HCN4: variants seen among roughly 807,000 people sequenced by gnomAD.
HCN4 encodes the protein hyperpolarization activated cyclic nucleotide gated potassium channel 4.
HCN4 carries 29 observed loss-of-function variants against 76.9 expected under a neutral mutation model. The observed-to-expected ratio is 0.38, with a 90% CI of 0.28 to 0.51. HCN4 has a LOEUF of 0.51. Among genes scored for constraint, HCN4 ranks in the 20% least tolerant of loss-of-function variants. The pLI is 0.90. For synonymous variants in HCN4, 772 were observed against 762.5 expected (o/e 1.01, Z -0.21); for missense variants, 1,416 against 1,715.2 (o/e 0.83, Z 3.08).
intron 1 of HCN4, among the ~76,000 whole-genome samples, chr15:73,359,035 A>G (rs2043093414): frequency 6.6e-6 from 1 of 152,154 alleles, no homozygotes; most frequent in Admixed American, 6.5e-5. Flanking sequence ...GCCAGCCCCC[A>G]TTATGTATTA....
rs2042870259 is a variant in HCN4 at position 73,322,874 on chromosome 15, C to T, written c.3219G>A (p.Pro1073=). 4 of 1,457,542 alleles carry T rather than the reference C, an allele frequency of 2.7e-6. No individual in the cohort carries two copies. Among genetic ancestry groups the T allele is most frequent in the Admixed American group, 2.6e-5 (1 of 38,332 alleles). The allele number at this position is 1,457,542 out of a possible 1,614,324, so 90.3% of individuals were successfully genotyped here. A position where few individuals can be genotyped will look rare whatever the true frequency, so the allele number is the denominator to read the frequency against. ...PQVPQRRGTP[P]LTPGRLTQDL... ...CCTGGGTGAGGCGGCCGGGGGTGAG[C>T]GGGGGTGTGCCCCGGCGCTGGGGGA... The change falls in exon 8 of 8, where the codon CCG becomes CCA. Residue 1073 remains proline (P), a synonymous_variant. Coordinates refer to ENST00000261917, the MANE Select transcript of HCN4 (RefSeq NM_005477.3).
At position 73,330,228 on chromosome 15, in the gene HCN4, G is replaced by T. The variant is rs1033764115; in HGVS notation, c.1372-437C>A. Among the ~76,000 whole-genome samples, 3 of 152,366 alleles carry T rather than the reference G, an allele frequency of 2.0e-5. No individual in the cohort carries two copies. In the East Asian group the frequency reaches 5.8e-4, roughly 29 times the overall value. ...TATAAAACCAGATATGCTTCCCTTG[G>T]GGGGACAAGCTCTGGCGGACTGAGC... On this transcript the variant is annotated intron_variant, in intron 3 of 7. Transcript: ENST00000261917.
Position 73,367,392 on chromosome 15 carries a change from CA to C in HCN4, c.785+93del. 1 of 1,581,988 alleles carries C rather than the reference CA, an allele frequency of 6.3e-7. No homozygotes were observed. Among genetic ancestry groups the C allele is most frequent in the Admixed American group, 1.7e-5 (1 of 57,608 alleles). Reference sequence around the variant, plus strand: ...CTCTCTTGGAGCTCCCAGCGCAAGGCAGGAAAGTTAACTCCGGCTGGGAGGC... The same window carrying C: ...CTCTCTTGGAGCTCCCAGCGCAAGGCGGAAAGTTAACTCCGGCTGGGAGGC... On this transcript the variant is annotated intron_variant, in intron 1 of 7. Transcript: ENST00000261917. The surrounding 1 kb of genome is among the most constrained non-coding windows in gnomAD (Gnocchi z 7.5).
Position 73,323,856 on chromosome 15 carries a change from A to G in HCN4, c.2237T>C (p.Val746Ala), listed in dbSNP as rs1377029109. Reference sequence around the variant, plus strand: ...GTGGGCCATCTCCCGGTCATGCTGCACAATCTGCTGGATGATCTCATTCTC... The same window carrying G: ...GTGGGCCATCTCCCGGTCATGCTGCGCAATCTGCTGGATGATCTCATTCTC... ...YQENEIIQQI[V>A]QHDREMAHCA... The change falls in exon 8 of 8, where the codon GTG becomes GCG. Residue 746 changes from valine (V) to alanine (A), a missense_variant. Physicochemically the swap from Val to Ala is moderately conservative, Grantham distance 64 (BLOSUM62 0). Coordinates refer to ENST00000261917, the MANE Select transcript of HCN4 (RefSeq NM_005477.3). 7 of 1,604,734 alleles carry G rather than the reference A, an allele frequency of 4.4e-6. No homozygotes were observed. The highest frequency in any genetic ancestry group is 1.3e-5 in the African/African-American group (1 of 74,920).
intron 1 of HCN4, among the ~76,000 whole-genome samples, chr15:73,346,657 G>C (rs912038435): frequency 1.3e-5 from 2 of 152,152 alleles, no homozygotes; most frequent in African/African-American, 4.8e-5. Context: ...GGCTTGGATA[G>C]AAGGCAATTG....
At chr15:73,330,149 C>T (rs1250186812) in intron 3 of HCN4, among the ~76,000 whole-genome samples, 1 of 152,230 alleles carries the variant, frequency 6.6e-6, no homozygotes, top group African/African-American at 2.4e-5. Flanking sequence ...CAGCTCCACC[C>T]CCCAACCCCC....
rs1262596735 is a variant in HCN4, at chr15:73,329,660, C to T, written c.1503G>A (p.Val501=). ...DVWLTMLSMI[V]GATCYAMFIG... ...TGAACATGGCGTAGCAGGTGGCACC[C>T]ACGATCATGCTGAGCATGGTGAGCC... The change falls in exon 4 of 8, where the codon GTG becomes GTA. Residue 501 remains valine (V), a synonymous_variant. Transcript: ENST00000261917. 2 of 1,614,162 alleles carry T rather than the reference C, an allele frequency of 1.2e-6. No individual in the cohort carries two copies. The highest frequency in any genetic ancestry group is 3.3e-5 in the Admixed American group (2 of 60,030).
In HCN4 at chr15:73,325,471, C is replaced by T. The variant is rs367551135; in HGVS notation, c.1591-27G>A. 1 of 1,612,998 alleles carries T rather than the reference C, an allele frequency of 6.2e-7. No homozygotes were observed. Among genetic ancestry groups the T allele is most frequent in the Non-Finnish European group, 8.5e-7 (1 of 1,179,476 alleles). ...TGAGGCCGGGAGAAGGGGGCGTCAG[C>T]TCCACCCCACCAGGGGGCGTCAGCA... is the stretch of plus-strand genomic sequence containing the variant. On this transcript the variant is annotated intron_variant, in intron 4 of 7. Transcript: ENST00000261917. This position sits in a 1 kb window ranked among gnomAD's most constrained non-coding sequence, Gnocchi z 7.4.
chr15:73,362,870 T>C (rs953777325), intron 1 of HCN4, among the ~76,000 whole-genome samples: 5 of 152,198 alleles, frequency 3.3e-5, no homozygotes, highest in South Asian at 4.1e-4. Flanking sequence ...AGGGAGAACC[T>C]GGAGCCGAGG....
intron 1 of HCN4, among the ~76,000 whole-genome samples, chr15:73,352,162 G>A (rs919146594): frequency 9.2e-5 from 14 of 152,244 alleles, no homozygotes; most frequent in Non-Finnish European, 2.1e-4. Context: ...CTTTTATACG[G>A]TAGGTCCTCA....
intron 1 of HCN4, among the ~76,000 whole-genome samples, chr15:73,363,511 G>A (rs560411443): frequency 6.6e-6 from 1 of 152,232 alleles, no homozygotes; most frequent in African/African-American, 2.4e-5. Flanking sequence ...TCTCTTCTGG[G>A]ATGGCCTAGA....
In HCN4 at chr15:73,332,188, C is replaced by T; in HGVS notation, c.1314G>A (p.Leu438=). The change falls in exon 3 of 8, where the codon CTG becomes CTA. Residue 438 remains leucine (L), a synonymous_variant. Coordinates refer to ENST00000261917, the MANE Select transcript of HCN4 (RefSeq NM_005477.3). The part of the protein sequence containing the change: ...LCHWDGCLQF[L]VPMLQDFPDD... Reference sequence around the variant, plus strand: ...CAGGGAAGTCCTGTAGCATGGGTACCAGGAACTGCAGGCAGCCGTCCCAGT... The same window carrying T: ...CAGGGAAGTCCTGTAGCATGGGTACTAGGAACTGCAGGCAGCCGTCCCAGT... 6.2e-7 allele frequency: 1 copy of T among 1,614,216 alleles called. No homozygotes were observed. The highest frequency in any genetic ancestry group is 8.5e-7 in the Non-Finnish European group (1 of 1,180,036).
At chr15:73,354,990 A>G (rs2043071472) in intron 1 of HCN4, among the ~76,000 whole-genome samples, 1 of 152,250 alleles carries the variant, frequency 6.6e-6, no homozygotes, top group Non-Finnish European at 1.5e-5. Context: ...AAGAGGGTTG[A>G]TGCAGAATCT....
intron 1 of HCN4, among the ~76,000 whole-genome samples, chr15:73,360,645 C>T (rs1388445855): frequency 6.6e-6 from 1 of 152,118 alleles, no homozygotes; most frequent in African/African-American, 2.4e-5. Context: ...TCTCTCTCTC[C>T]TTTCCTCGTC....
At position 73,367,439 on chromosome 15, in the gene HCN4, C is replaced by T. The variant is rs1205430644; in HGVS notation, c.785+47G>A. On this transcript the variant is annotated intron_variant, in intron 1 of 7. Coordinates refer to ENST00000261917, the MANE Select transcript of HCN4 (RefSeq NM_005477.3). The surrounding 1 kb of genome is among the most constrained non-coding windows in gnomAD (Gnocchi z 7.5). The stretch of plus-strand genomic sequence containing the variant: ...GAGGCAGGGTCAGGAGGAGGCATGC[C>T]TGCCACCGCGCAGGGCACCCACAGG... The T allele has an allele frequency of 6.2e-7, 1 of 1,611,218 alleles. No individual in the cohort carries two copies. The highest frequency in any genetic ancestry group is 1.7e-5 in the Admixed American group (1 of 59,984).
Position 73,326,356 on chromosome 15 carries a change from C to T in HCN4, c.1591-912G>A, listed in dbSNP as rs145993569. Reference sequence around the variant, plus strand: ...ACTGCTGCACAGAAACACCCACGGGCAAATGAGGGCTGAGAAATGACATTT... The same window carrying T: ...ACTGCTGCACAGAAACACCCACGGGTAAATGAGGGCTGAGAAATGACATTT... On this transcript the variant is annotated intron_variant, in intron 4 of 7. Transcript: ENST00000261917. Among the ~76,000 whole-genome samples, 482 of 152,332 alleles carry T rather than the reference C, an allele frequency of 3.2e-3. 1 individual carries two copies. The highest frequency in any genetic ancestry group is 0.014 in the South Asian group (68 of 4,830).
At chr15:73,347,345 G>A (rs1271757025) in intron 1 of HCN4, among the ~76,000 whole-genome samples, 1 of 152,166 alleles carries the variant, frequency 6.6e-6, no homozygotes, top group Non-Finnish European at 1.5e-5. Context: ...GTACCCTAGA[G>A]GGATGTGGGA....
At position 73,325,269 on chromosome 15, in the gene HCN4, C is replaced by T. The variant is rs2042892032; in HGVS notation, c.1737+29G>A. On this transcript the variant is annotated intron_variant, in intron 5 of 7. Coordinates refer to ENST00000261917, the MANE Select transcript of HCN4 (RefSeq NM_005477.3). The surrounding 1 kb of genome is among the most constrained non-coding windows in gnomAD (Gnocchi z 7.4). ...CTGGCTGCCAGGAAGGCCTGGCTCC[C>T]CTCCACGCCGGGCCGCCACACAGCT... 6.2e-7 allele frequency: 1 copy of T among 1,613,942 alleles called. No individual in the cohort carries two copies. The highest frequency in any genetic ancestry group is 1.7e-5 in the Admixed American group (1 of 59,996).
chr15:73,342,769 A>G (rs563610011), intron 2 of HCN4, among the ~76,000 whole-genome samples: 3 of 152,260 alleles, frequency 2.0e-5, no homozygotes, highest in Non-Finnish European at 4.4e-5. Context: ...GAGAGTTGCC[A>G]ACAAAATTTG....
Sources: gnomAD v4.1 joint callset for allele counts (sites outside exome capture counted in the v4.1 genomes callset) on GRCh38, gnomAD v4.1.1 for gene constraint, Gnocchi (gnomAD v3.1) non-coding constraint, MANE v1.5 for transcripts, NCBI Gene and HGNC (gene_info 2026-07-23, HGNC 2026-07-21) for gene names.